The following ELMO1 variants were observed in gnomAD, a reference collection of about 807,000 sequenced individuals.
ELMO1 encodes the protein engulfment and cell motility protein 1.
Under a neutral mutation model 98.9 loss-of-function variants are expected in ELMO1, and 26 were observed. The ratio of observed to expected loss-of-function variants is 0.26; its 90% confidence interval spans 0.19 to 0.36. ELMO1 has a LOEUF of 0.36. Among genes scored for constraint, ELMO1 ranks in the 10% least tolerant of loss-of-function variants. The pLI is 1.00. For synonymous variants in ELMO1, 346 were observed against 346.0 expected (o/e 1.00, Z 0.00); for missense variants, 627 against 935.2 (o/e 0.67, Z 4.30).
chr7:37,280,161 G>T (rs144446535), intron 4 of ELMO1, among the ~76,000 whole-genome samples: 21 of 152,184 alleles, frequency 1.4e-4, no homozygotes, highest in Admixed American at 2.6e-4. Flanking sequence ...GTCGGAGAAT[G>T]AAACTGGATC....
At chr7:37,007,387 C>G (rs763394787) in intron 16 of ELMO1, among the ~76,000 whole-genome samples, 4 of 152,212 alleles carry the variant, frequency 2.6e-5, no homozygotes, top group Non-Finnish European at 5.9e-5. Context: ...ATAAACAACG[C>G]TGAGTCCTCC....
chr7:37,133,800 C>T (rs547813479), intron 13 of ELMO1, among the ~76,000 whole-genome samples: 15 of 152,186 alleles, frequency 9.9e-5, no homozygotes, highest in Non-Finnish European at 2.1e-4. Flanking sequence ...GTCCTGACAT[C>T]TGCCTGCTCT....
At chr7:37,224,855 C>T in intron 9 of ELMO1, 24 bp downstream of exon 9, 1 of 1,611,536 alleles carries the variant, frequency 6.2e-7, no homozygotes, top group Non-Finnish European at 8.5e-7. Context: ...ATTTCTCCTC[C>T]CCAGAGCATC....
chr7:37,178,468 T>C (rs988602329), intron 13 of ELMO1, among the ~76,000 whole-genome samples: 11 of 148,924 alleles, frequency 7.4e-5, no homozygotes, highest in African/African-American at 2.7e-4. Flanking sequence ...TAGCCAGGCA[T>C]GGTGGCGCCT....
intron 15 of ELMO1, among the ~76,000 whole-genome samples, chr7:37,080,600 A>ATTTTTTTTTTTTTT (rs764259726): frequency 1.1e-3 from 112 of 105,220 alleles, no homozygotes; most frequent in Non-Finnish European, 1.2e-3. Flanking sequence ...ACCACGCCTA[A>ATTTTTTTTTTTTTT]TTTTTTTTTT....
chr7:37,123,492 G>C (rs1184391973), intron 14 of ELMO1, among the ~76,000 whole-genome samples: 2 of 152,160 alleles, frequency 1.3e-5, no homozygotes, highest in African/African-American at 4.8e-5. Context: ...ACTACCATCG[G>C]AGAATACTAT....
At chr7:37,315,721 TCA>T (rs1799118779) in intron 3 of ELMO1, among the ~76,000 whole-genome samples, 197 bp downstream of exon 3, 1 of 152,216 alleles carries the variant, frequency 6.6e-6, no homozygotes, top group Non-Finnish European at 1.5e-5. Flanking sequence ...AACAGCCATT[TCA>T]CACTTTCTGC....
chr7:36,952,052 G>A (rs1788005904), intron 16 of ELMO1, among the ~76,000 whole-genome samples: 1 of 152,192 alleles, frequency 6.6e-6, no homozygotes, highest in Admixed American at 6.5e-5. Context: ...GGATGGTCTG[G>A]GCACCAGCAG....
chr7:37,362,251 C>T (rs1241202451), intron 1 of ELMO1, among the ~76,000 whole-genome samples: 1 of 151,604 alleles, frequency 6.6e-6, no homozygotes, highest in Admixed American at 6.6e-5. Flanking sequence ...CCGTTACATC[C>T]TTGTGCCAGG....
intron 15 of ELMO1, among the ~76,000 whole-genome samples, chr7:37,093,516 G>A (rs1447355593): frequency 6.6e-6 from 1 of 152,166 alleles, no homozygotes; most frequent in Non-Finnish European, 1.5e-5. Flanking sequence ...TAGGAATGGA[G>A]AAAAATAATC....
intron 1 of ELMO1, among the ~76,000 whole-genome samples, chr7:37,445,823 A>C (rs892266305): frequency 3.3e-5 from 5 of 152,186 alleles, no homozygotes; most frequent in African/African-American, 1.2e-4. Context: ...GGGACACAGT[A>C]GATGCCTCTG....
intron 14 of ELMO1, among the ~76,000 whole-genome samples, chr7:37,112,740 T>G (rs1448371875): frequency 6.6e-6 from 1 of 152,196 alleles, no homozygotes; most frequent in Admixed American, 6.5e-5. Context: ...GTTTTACCAG[T>G]GCAGGGAAAA....
chr7:37,083,691 G>A (rs1287816714), intron 15 of ELMO1, among the ~76,000 whole-genome samples: 6 of 152,196 alleles, frequency 3.9e-5, no homozygotes, highest in Admixed American at 1.3e-4. Context: ...AGGCCAGAAA[G>A]CCCTCTCTGG....
chr7:36,984,578 G>A (rs1562877186), intron 16 of ELMO1, among the ~76,000 whole-genome samples: 2 of 152,152 alleles, frequency 1.3e-5, no homozygotes, highest in Non-Finnish European at 2.9e-5. Context: ...CTAGAGCCAC[G>A]TGAAGACCCA....
chr7:36,939,068 T>C (rs943278824), intron 16 of ELMO1, among the ~76,000 whole-genome samples: 1 of 151,756 alleles, frequency 6.6e-6, no homozygotes, highest in Admixed American at 6.6e-5. Context: ...AAAAAAAAAA[T>C]GAACATGTAT....
intron 13 of ELMO1, among the ~76,000 whole-genome samples, chr7:37,145,343 T>A (rs1195971501): frequency 1.3e-5 from 2 of 152,248 alleles, no homozygotes; most frequent in Non-Finnish European, 1.5e-5. Context: ...TTTAATCCAC[T>A]GGTTCCCAGG....
chr7:36,949,643 T>C (rs1562848823), intron 16 of ELMO1, among the ~76,000 whole-genome samples: 1 of 152,100 alleles, frequency 6.6e-6, no homozygotes, highest in African/African-American at 2.4e-5. Flanking sequence ...CTCTATTCAC[T>C]AGGTGTCAGT....
At chr7:37,270,945 C>CTT (rs796192856) in intron 5 of ELMO1, 3 of 143,114 alleles carry the variant, frequency 2.1e-5, no homozygotes, top group African/African-American at 5.1e-5. Flanking sequence ...TCTTTTTTTT[C>CTT]TTTTTTTTTT....
intron 16 of ELMO1, among the ~76,000 whole-genome samples, chr7:36,989,762 G>C (rs1156901835): frequency 6.6e-6 from 1 of 152,142 alleles, no homozygotes; most frequent in African/African-American, 2.4e-5. Flanking sequence ...TTTATGAAGA[G>C]AGAGCATGCA....
Sources: gnomAD v4.1 joint callset for allele counts (sites outside exome capture counted in the v4.1 genomes callset) on GRCh38, gnomAD v4.1.1 for gene constraint, MANE v1.5 for transcripts, NCBI Gene and HGNC (gene_info 2026-07-23, HGNC 2026-07-21) for gene names.